Variants in SLC18A1 observed in about 807,000 individuals in gnomAD.
The protein encoded by SLC18A1 is solute carrier family 18 member A1, also known as chromaffin granule amine transporter.
Under a neutral mutation model 53.7 loss-of-function variants are expected in SLC18A1, and 69 were observed. That is an observed-to-expected ratio of 1.28 (90% confidence interval 1.06 to 1.57). SLC18A1 has a LOEUF of 1.57. Ranked by LOEUF, SLC18A1 falls within the 40% of genes most tolerant of loss-of-function variation. The pLI is 0.00. For synonymous variants in SLC18A1, 320 were observed against 248.1 expected (o/e 1.29, Z -2.72); for missense variants, 932 against 668.1 (o/e 1.40, Z -4.35).
At chr8:20,158,163 TAA>T (rs527310309) in intron 10 of SLC18A1, among the ~76,000 whole-genome samples, 259 of 152,252 alleles carry the variant, frequency 1.7e-3, no homozygotes, top group African/African-American at 5.8e-3. Context: ...GCCAGGAGGT[TAA>T]CTGTCTCCTA....
At chr8:20,171,578 T>C (rs1306898660) in intron 6 of SLC18A1, 84 bp from the exon 7 acceptor site, 20 of 1,096,704 alleles carry the variant, frequency 1.8e-5, no homozygotes, top group Non-Finnish European at 2.8e-5. Context: ...CCCGTGAGCA[T>C]TTGCAGAAGG....
chr8:20,179,399 T>TG lies in SLC18A1; in HGVS notation c.209dup (p.His71ThrfsTer23). 1 of 1,613,942 alleles carries TG rather than the reference T, an allele frequency of 6.2e-7. No individual in the cohort carries two copies. Among genetic ancestry groups the TG allele is most frequent in the Non-Finnish European group, 8.5e-7 (1 of 1,179,982 alleles). ...AAAAGGCAGGAGAGGCGAGGGCATG[T>TG]GGGGAACTTCCGGCATGGCCGAGGT... is the stretch of plus-strand genomic sequence containing the variant. On this transcript the variant is annotated frameshift_variant, in exon 3 of 16. Transcript: ENST00000276373. LOFTEE classifies it high-confidence loss of function.
At chr8:20,165,443 A>G (rs1485157715) in intron 8 of SLC18A1, among the ~76,000 whole-genome samples, 2 of 151,812 alleles carry the variant, frequency 1.3e-5, no homozygotes, top group African/African-American at 4.8e-5. Flanking sequence ...AGATGTCTGG[A>G]CTCCTGGTTT....
At chr8:20,171,337 A>G in intron 7 of SLC18A1, 68 bp downstream of exon 7, 1 of 1,396,800 alleles carries the variant, frequency 7.2e-7, no homozygotes, top group Non-Finnish European at 1.0e-6. Context: ...GAAGACTGAC[A>G]CTACAACATA....
Position 20,180,366 on chromosome 8 carries a change from T to G in SLC18A1, c.124+475A>C, listed in dbSNP as rs140437565. On this transcript the variant is annotated intron_variant, in intron 2 of 15. Transcript: ENST00000276373. ...TAACTTAATGTAATGATTAGGAGAG[T>G]ATCAACTAAAAAAAGCAGGATTCTG... Among the ~76,000 whole-genome samples the G allele has an allele frequency of 2.7e-3, 412 of 152,108 alleles. 3 individuals carry two copies. Among genetic ancestry groups the G allele is most frequent in the African/African-American group, 9.5e-3 (394 of 41,488 alleles).
At chr8:20,182,893 G>C (rs2128881940) in intron 1 of SLC18A1, among the ~76,000 whole-genome samples, 170 bp downstream of exon 1, 1 of 152,258 alleles carries the variant, frequency 6.6e-6, no homozygotes, top group East Asian at 1.9e-4. Context: ...AGTGAAGTAA[G>C]TACTACAAAG....
intron 12 of SLC18A1, among the ~76,000 whole-genome samples, chr8:20,148,792 G>A (rs1274040462): frequency 6.6e-6 from 1 of 152,104 alleles, no homozygotes; most frequent in East Asian, 1.9e-4. Context: ...CAATTTTTAG[G>A]GTTCATGCCT....
At position 20,179,124 on chromosome 8, in the gene SLC18A1, T is replaced by C. The variant is rs149553416; in HGVS notation, c.485A>G (p.Asn162Ser). The change falls in exon 3 of 16, where the codon AAC becomes AGC. Residue 162 changes from asparagine (N) to serine (S), a missense_variant. By Grantham distance (46) the Asn-to-Ser change is conservative. Transcript: ENST00000276373. The stretch of plus-strand genomic sequence containing the variant: ...GGCACTGCACCCAGTGAGATACCTG[T>C]TGGTGAGAGGGCCCACGAATGGGTT... ...LVNPFVGPLT[N>S]RIGYHIPMFA... 70 of 1,609,950 alleles carry C rather than the reference T, an allele frequency of 4.3e-5. No homozygotes were observed. Among genetic ancestry groups the C allele is most frequent in the African/African-American group, 4.1e-4 (31 of 75,004 alleles).
In SLC18A1 at chr8:20,166,287, G is replaced by GTGTATATATATATA. The variant is rs1235212014; in HGVS notation, c.859-1181_859-1180insTATATATATATACA. Among the ~76,000 whole-genome samples the GTGTATATATATATA allele has an allele frequency of 2.2e-4, 17 of 78,990 alleles. 1 individual carries two copies. Among genetic ancestry groups the GTGTATATATATATA allele is most frequent in the Non-Finnish European group, 2.7e-4 (11 of 41,196 alleles). The allele number at this position is 78,990 out of a possible 152,430, so 51.8% of individuals were successfully genotyped here. A position where few individuals can be genotyped will look rare whatever the true frequency, so the allele number is the denominator to read the frequency against. ...CAAAATTGTGTGTGGGTGTGTGTGTGTCTATATATATATATATATATATAT... is the reference window on the plus strand; with the variant it reads ...CAAAATTGTGTGTGGGTGTGTGTGTGTGTATATATATATATCTATATATATATATATATATATAT... On this transcript the variant is annotated intron_variant, in intron 8 of 15. Coordinates refer to ENST00000276373, the MANE Select transcript of SLC18A1 (RefSeq NM_003053.4).
intron 8 of SLC18A1, among the ~76,000 whole-genome samples, chr8:20,165,804 T>C (rs545118272): frequency 6.6e-6 from 1 of 152,288 alleles, no homozygotes; most frequent in East Asian, 1.9e-4. Context: ...AAAGTCAAGC[T>C]TAAATGGCTC....
intron 10 of SLC18A1, among the ~76,000 whole-genome samples, chr8:20,163,081 T>C (rs1353491452): frequency 6.6e-6 from 1 of 152,168 alleles, no homozygotes; most frequent in East Asian, 1.9e-4. Flanking sequence ...TTCTGGAGGT[T>C]AAGAAGTTCA....
chr8:20,147,181 C>A, intron 15 of SLC18A1, 77 bp downstream of exon 15: 1 of 1,490,470 alleles, frequency 6.7e-7, no homozygotes. Context: ...AAATAACAGC[C>A]CAGGATGAAA....
At chr8:20,179,586 A>T in intron 2 of SLC18A1, 102 bp from the exon 3 acceptor site, 1 of 1,422,650 alleles carries the variant, frequency 7.0e-7, no homozygotes, top group Non-Finnish European at 9.5e-7. Flanking sequence ...CTGAAAGTCA[A>T]GGAGGACAGG....
rs11345261 is a variant in SLC18A1 at position 20,151,147 on chromosome 8, GTTT to G, written c.1016-406_1016-404del. 4.8e-3 allele frequency among the ~76,000 whole-genome samples: 668 copies of G among 138,678 alleles called. 8 individuals carry two copies. Among genetic ancestry groups the G allele is most frequent in the African/African-American group, 0.017 (633 of 36,878 alleles). 91.0% of individuals were successfully genotyped at this position (138,678 alleles called of 152,430 possible). A position where few individuals can be genotyped will look rare whatever the true frequency, so the allele number is the denominator to read the frequency against. ...CCACCACACCTAGTTGTTTTTTTTT[GTTT>G]TTTTTTTGTTTGTTTGTTTGTTTGT... On this transcript the variant is annotated intron_variant, in intron 10 of 15. Coordinates refer to ENST00000276373, the MANE Select transcript of SLC18A1 (RefSeq NM_003053.4).
rs370257687 is a variant in SLC18A1 at position 20,150,654 on chromosome 8, G to C, written c.1094+12C>G. ...ATTTCTACTGTTCGTCCCAGATCCC[G>C]AGGCTACATACCGACCCATCTTGTT... On this transcript the variant is annotated intron_variant, in intron 11 of 15. Coordinates refer to ENST00000276373, the MANE Select transcript of SLC18A1 (RefSeq NM_003053.4). 6.2e-7 allele frequency: 1 copy of C among 1,612,238 alleles called. No individual in the cohort carries two copies. Among genetic ancestry groups the C allele is most frequent in the Non-Finnish European group, 8.5e-7 (1 of 1,178,342 alleles).
chr8:20,151,060 C>G lies in SLC18A1; in HGVS notation c.1016-316G>C, dbSNP rs923627603. 11 of 287,824 alleles carry G rather than the reference C, an allele frequency of 3.8e-5. No homozygotes were observed. In the Admixed American group the frequency reaches 4.8e-4, roughly 13 times the overall value. 17.8% of individuals were successfully genotyped at this position (287,824 alleles called of 1,614,324 possible). ...AATCTCAGCCCACTGCAGCCTCGAC[C>G]TCCTGGGATCAAGTGATCCTCCCAG... is the stretch of plus-strand genomic sequence containing the variant. On this transcript the variant is annotated intron_variant, in intron 10 of 15. Transcript: ENST00000276373.
chr8:20,160,364 C>T (rs561284657), intron 10 of SLC18A1, among the ~76,000 whole-genome samples: 12 of 150,624 alleles, frequency 8.0e-5, no homozygotes, highest in African/African-American at 1.2e-4. Context: ...TCTCAATCCA[C>T]GTTGCTCGTT....
At chr8:20,158,229 C>T (rs2071729681) in intron 10 of SLC18A1, among the ~76,000 whole-genome samples, 1 of 152,184 alleles carries the variant, frequency 6.6e-6, no homozygotes, top group South Asian at 2.1e-4. Flanking sequence ...AACTGTCCTC[C>T]AGATCTGTCA....
chr8:20,153,928 G>C (rs150107234), intron 10 of SLC18A1, among the ~76,000 whole-genome samples: 1 of 152,296 alleles, frequency 6.6e-6, no homozygotes, highest in East Asian at 1.9e-4. Flanking sequence ...CAGTGGTAAA[G>C]GTGGGGCTGA....
Sources: gnomAD v4.1 joint callset for allele counts (sites outside exome capture counted in the v4.1 genomes callset) on GRCh38, gnomAD v4.1.1 for gene constraint, MANE v1.5 for transcripts, NCBI Gene and HGNC (gene_info 2026-07-23, HGNC 2026-07-21) for gene names.